The following KCNK1 variants were observed in gnomAD, a reference collection of about 807,000 sequenced individuals.
KCNK1 encodes potassium channel subfamily K member 1.
A neutral mutation model predicts 22.2 loss-of-function variants in KCNK1; 10 were observed. That is an observed-to-expected ratio of 0.45 (90% CI 0.28 to 0.76). The LOEUF (loss-of-function observed/expected upper bound fraction) is 0.76. Ranked by LOEUF, KCNK1 falls within the 30% of genes least tolerant of loss-of-function variation. The pLI, the probability that KCNK1 is intolerant of heterozygous loss-of-function variation, is 0.14. For synonymous variants in KCNK1, 200 were observed against 186.4 expected (o/e 1.07, Z -0.60); for missense variants, 378 against 421.0 (o/e 0.90, Z 0.89).
intron 1 of KCNK1, among the ~76,000 whole-genome samples, chr1:233,653,114 A>G (rs1399143586): frequency 6.6e-6 from 1 of 152,080 alleles, no homozygotes; most frequent in Non-Finnish European, 1.5e-5. Flanking sequence ...AACTGGGACA[A>G]CTCCTATATT....
intron 1 of KCNK1, 126 bp from the exon 2 acceptor site, chr1:233,666,469 C>A: frequency 2.4e-6 from 2 of 845,728 alleles, no homozygotes; most frequent in South Asian, 2.0e-5. Flanking sequence ...AAGTGGCAGA[C>A]CTGAAGTCTC....
intron 1 of KCNK1, among the ~76,000 whole-genome samples, chr1:233,643,219 C>T (rs1658033898): frequency 6.6e-6 from 1 of 152,078 alleles, no homozygotes; most frequent in Admixed American, 6.5e-5. Flanking sequence ...ATGGCACATC[C>T]ACAGTGGTTA....
intron 1 of KCNK1, among the ~76,000 whole-genome samples, chr1:233,620,059 C>CA (rs1191912563): frequency 1.6e-4 from 24 of 147,722 alleles, no homozygotes; most frequent in East Asian, 3.9e-4. Flanking sequence ...ATGGTTGGGA[C>CA]AAAAAAAAAG....
chr1:233,614,608 C>T (rs1352170096), intron 1 of KCNK1, 82 bp downstream of exon 1: 1 of 1,111,744 alleles, frequency 9.0e-7, no homozygotes, highest in Non-Finnish European at 1.3e-6. Flanking sequence ...CCCCGGGCCC[C>T]TCTAACCCTC....
In KCNK1 at chr1:233,672,477, T is replaced by C. The variant is rs1167809565; in HGVS notation, c.*947T>C. 1 of 151,014 alleles carries C rather than the reference T, an allele frequency of 6.6e-6. No homozygotes were observed. The highest frequency in any genetic ancestry group is 1.5e-5 in the Non-Finnish European group (1 of 67,776). 9.4% of individuals were successfully genotyped at this position (151,014 alleles called of 1,614,324 possible). On this transcript the variant is annotated 3_prime_UTR_variant, in exon 3 of 3. Coordinates refer to ENST00000366621, the MANE Select transcript of KCNK1 (RefSeq NM_002245.4). ...TACATTAATCTGAGAATTTTAAATTTAGAAGCTAAAATAAATAAAAATCAC... is the reference window on the plus strand; with the variant it reads ...TACATTAATCTGAGAATTTTAAATTCAGAAGCTAAAATAAATAAAAATCAC...
intron 1 of KCNK1, among the ~76,000 whole-genome samples, chr1:233,659,101 C>T (rs114844956): frequency 0.01 from 1,545 of 151,988 alleles, 16 homozygotes; most frequent in Middle Eastern, 0.071. Flanking sequence ...TTTGTGATAA[C>T]GTTTAACTTA....
chr1:233,670,655 C>T (rs1658580624), intron 2 of KCNK1, among the ~76,000 whole-genome samples: 1 of 152,084 alleles, frequency 6.6e-6, no homozygotes, highest in African/African-American at 2.4e-5. Context: ...ATGAGAACAG[C>T]AGGGGAAAGA....
intron 1 of KCNK1, among the ~76,000 whole-genome samples, chr1:233,643,300 A>G (rs927996498): frequency 6.6e-6 from 1 of 152,006 alleles, no homozygotes; most frequent in Admixed American, 6.6e-5. Context: ...TTGAGCAGAG[A>G]GTGGGGAGGC....
intron 1 of KCNK1, among the ~76,000 whole-genome samples, chr1:233,626,718 T>C (rs1571890702): frequency 6.6e-6 from 1 of 152,316 alleles, no homozygotes; most frequent in East Asian, 1.9e-4. Context: ...ACTTCCAGGC[T>C]AAGAAAGAGT....
chr1:233,618,023 G>A (rs1168750568), intron 1 of KCNK1, among the ~76,000 whole-genome samples: 3 of 152,192 alleles, frequency 2.0e-5, no homozygotes, highest in Non-Finnish European at 2.9e-5. Flanking sequence ...ATTTTTCTTG[G>A]AATCTCTGTG....
intron 1 of KCNK1, among the ~76,000 whole-genome samples, chr1:233,657,089 T>A (rs1166475291): frequency 2.0e-5 from 3 of 152,168 alleles, no homozygotes; most frequent in African/African-American, 7.2e-5. Context: ...GCCCGAGAGA[T>A]GGCCAGTACT....
chr1:233,667,974 T>G (rs1373281221), intron 2 of KCNK1, among the ~76,000 whole-genome samples: 4 of 152,178 alleles, frequency 2.6e-5, no homozygotes, highest in Non-Finnish European at 5.9e-5. Flanking sequence ...TTCCAGAATT[T>G]TGTGTGTGGA....
At chr1:233,665,319 A>T (rs1658470165) in intron 1 of KCNK1, among the ~76,000 whole-genome samples, 1 of 152,182 alleles carries the variant, frequency 6.6e-6, no homozygotes, top group African/African-American at 2.4e-5. Context: ...GTGCCTTTCC[A>T]TAGTGTCACA....
intron 1 of KCNK1, among the ~76,000 whole-genome samples, chr1:233,619,896 C>G (rs987904596): frequency 2.3e-5 from 3 of 129,330 alleles, no homozygotes; most frequent in Non-Finnish European, 1.5e-5. Context: ...GGCAGCAGAG[C>G]GAGACTCCTC....
chr1:233,657,283 A>C (rs1022145411), intron 1 of KCNK1, among the ~76,000 whole-genome samples: 1 of 152,130 alleles, frequency 6.6e-6, no homozygotes, highest in African/African-American at 2.4e-5. Flanking sequence ...AAATTTTGGG[A>C]TGGAAAAGCC....
chr1:233,652,606 C>T (rs1357057641), intron 1 of KCNK1, among the ~76,000 whole-genome samples: 2 of 152,106 alleles, frequency 1.3e-5, no homozygotes, highest in Non-Finnish European at 2.9e-5. Flanking sequence ...TGAGGGGGAA[C>T]AAGAGTTAAC....
intron 1 of KCNK1, among the ~76,000 whole-genome samples, chr1:233,666,177 A>AT (rs1289995707): frequency 6.6e-6 from 1 of 151,956 alleles, no homozygotes; most frequent in African/African-American, 2.4e-5. Context: ...TTACACACTA[A>AT]TGAGGATGCT....
chr1:233,615,631 C>T (rs1169332429), intron 1 of KCNK1, among the ~76,000 whole-genome samples: 2 of 152,160 alleles, frequency 1.3e-5, no homozygotes, highest in Non-Finnish European at 2.9e-5. Flanking sequence ...GGAACCTGGG[C>T]CTTGTGATTT....
intron 1 of KCNK1, among the ~76,000 whole-genome samples, chr1:233,625,299 C>T (rs1030585210): frequency 1.9e-4 from 29 of 152,280 alleles, no homozygotes. Flanking sequence ...GCAGCACCCT[C>T]TCTGGAATGG....
Sources: gnomAD v4.1 joint callset for allele counts (sites outside exome capture counted in the v4.1 genomes callset) on GRCh38, gnomAD v4.1.1 for gene constraint, MANE v1.5 for transcripts, NCBI Gene and HGNC (gene_info 2026-07-23, HGNC 2026-07-21) for gene names.